The following LINGO2 variants were observed in gnomAD, a reference collection of about 807,000 sequenced individuals.
LINGO2 encodes the protein leucine rich repeat and Ig domain containing 2, also known as leucine-rich repeat and immunoglobulin-like domain-containing nogo receptor-interacting protein 2.
In LINGO2, 14 loss-of-function variants were observed where a neutral mutation model predicts 30.6. That is an observed-to-expected ratio of 0.46 (90% CI 0.30 to 0.72). The LOEUF (loss-of-function observed/expected upper bound fraction) is 0.72. Among genes scored for constraint, LINGO2 ranks in the 30% least tolerant of loss-of-function variants. The probability of loss-of-function intolerance (pLI) is 0.07; values close to 1 mark genes in which losing one functional copy is unlikely to be tolerated. For missense variants in LINGO2, 729 were observed against 751.7 expected, an observed-to-expected ratio of 0.97 and a Z score of 0.35; for synonymous variants, 317 against 288.5, an observed-to-expected ratio of 1.10 and a Z score of -1.00.
intron 4 of LINGO2, among the ~76,000 whole-genome samples, chr9:28,138,917 A>G (rs1032810497): frequency 7.2e-5 from 11 of 152,202 alleles, no homozygotes; most frequent in Non-Finnish European, 1.5e-4. Flanking sequence ...ATATGTAAGG[A>G]CTGTTATTTG....
At chr9:29,129,013 C>A in the LINGO2 span, among the ~76,000 whole-genome samples, 1 of 152,034 alleles carries the variant, frequency 6.6e-6, no homozygotes, top group Admixed American at 6.6e-5. Context: ...ATATTTTTGT[C>A]TAGGTTTAAT....
chr9:28,774,041 T>TACACACACACAC, the LINGO2 span, among the ~76,000 whole-genome samples: 1 of 146,786 alleles, frequency 6.8e-6, no homozygotes, highest in South Asian at 2.3e-4. Flanking sequence ...TTCTTTTTGA[T>TACACACACACAC]ACACACACAC....
chr9:28,358,847 A>T (rs1237955972), intron 3 of LINGO2, among the ~76,000 whole-genome samples: 2 of 152,106 alleles, frequency 1.3e-5, no homozygotes, highest in African/African-American at 4.8e-5. Flanking sequence ...AGGCTAGAAA[A>T]TCTTTTTATT....
the LINGO2 span, among the ~76,000 whole-genome samples, chr9:28,827,673 A>T: frequency 6.6e-5 from 10 of 152,172 alleles, no homozygotes; most frequent in African/African-American, 2.4e-4. Flanking sequence ...CATATTTGGA[A>T]TTCTAGATGA....
At chr9:29,069,345 G>T in the LINGO2 span, among the ~76,000 whole-genome samples, 1 of 151,820 alleles carries the variant, frequency 6.6e-6, no homozygotes, top group East Asian at 1.9e-4. Flanking sequence ...TACTCAAAAT[G>T]GATATCAATT....
intron 1 of LINGO2, among the ~76,000 whole-genome samples, chr9:28,513,069 C>G (rs184993740): frequency 6.7e-6 from 1 of 148,668 alleles, no homozygotes. Context: ...AGTTGATGCT[C>G]AGTATTAACC....
At chr9:28,327,759 T>C (rs1487443924) in intron 3 of LINGO2, among the ~76,000 whole-genome samples, 8 of 152,208 alleles carry the variant, frequency 5.3e-5, no homozygotes, top group Admixed American at 5.2e-4. Flanking sequence ...TAAAATATAC[T>C]GGCAGCTGTT....
chr9:28,226,665 AAGAAAGAAAGAAAG>A (rs1394246620), intron 4 of LINGO2, among the ~76,000 whole-genome samples: 1 of 93,190 alleles, frequency 1.1e-5, no homozygotes, highest in East Asian at 2.6e-4. Context: ...GAAAGAAAGA[AAGAAAGAAAGAAAG>A]AAAGAAAGAA....
the LINGO2 span, among the ~76,000 whole-genome samples, chr9:28,949,685 A>C: frequency 6.6e-6 from 1 of 152,136 alleles, no homozygotes; most frequent in African/African-American, 2.4e-5. Context: ...AGAGGTACAA[A>C]GCGGAGCTGG....
chr9:28,824,941 T>C, the LINGO2 span, among the ~76,000 whole-genome samples: 1 of 152,122 alleles, frequency 6.6e-6, no homozygotes, highest in Non-Finnish European at 1.5e-5. Flanking sequence ...GAAAATAAAA[T>C]CTTCTTAATG....
At chr9:29,040,442 G>T in the LINGO2 span, among the ~76,000 whole-genome samples, 1 of 151,628 alleles carries the variant, frequency 6.6e-6, no homozygotes, top group Non-Finnish European at 1.5e-5. Context: ...CCAGAAAATT[G>T]ATTTACAGCA....
intron 1 of LINGO2, among the ~76,000 whole-genome samples, chr9:28,643,838 G>GAA (rs1011657493): frequency 6.6e-6 from 1 of 151,768 alleles, no homozygotes; most frequent in Non-Finnish European, 1.5e-5. Flanking sequence ...CAACTCTATA[G>GAA]AAAAAAACAT....
chr9:28,930,816 A>T, the LINGO2 span, among the ~76,000 whole-genome samples: 3 of 152,204 alleles, frequency 2.0e-5, no homozygotes, highest in Non-Finnish European at 4.4e-5. This position sits in a 1 kb window ranked among gnomAD's most constrained non-coding sequence, Gnocchi z 4.2. Context: ...CCATTAGCCC[A>T]GTTCCCTTTT....
At chr9:28,653,319 C>CA (rs1213698412) in intron 1 of LINGO2, among the ~76,000 whole-genome samples, 3 of 151,692 alleles carry the variant, frequency 2.0e-5, no homozygotes, top group East Asian at 1.9e-4. Context: ...GTCACCTTGG[C>CA]AAAAAAAGAC....
At chr9:28,560,861 G>A (rs1378471577) in intron 1 of LINGO2, among the ~76,000 whole-genome samples, 1 of 151,848 alleles carries the variant, frequency 6.6e-6, no homozygotes, top group Non-Finnish European at 1.5e-5. Flanking sequence ...TTTTGGTAGA[G>A]ATGGGGTTTC....
chr9:28,932,697 C>G, the LINGO2 span, among the ~76,000 whole-genome samples: 1 of 152,042 alleles, frequency 6.6e-6, no homozygotes, highest in African/African-American at 2.4e-5. Context: ...AATTTAAGAA[C>G]CTGGACTCAT....
chr9:28,944,331 A>G, the LINGO2 span, among the ~76,000 whole-genome samples: 1 of 149,328 alleles, frequency 6.7e-6, no homozygotes, highest in African/African-American at 2.5e-5. Context: ...CCTAGATACA[A>G]AGGGGGCTGG....
At chr9:28,951,329 A>C in the LINGO2 span, among the ~76,000 whole-genome samples, 22 of 139,290 alleles carry the variant, frequency 1.6e-4, no homozygotes, top group East Asian at 2.4e-4. Context: ...GGGACTCTGC[A>C]CACCACTTTC....
chr9:28,252,978 T>C (rs1822257497), intron 4 of LINGO2, among the ~76,000 whole-genome samples: 1 of 151,894 alleles, frequency 6.6e-6, no homozygotes, highest in African/African-American at 2.4e-5. Flanking sequence ...TTGGAGAATA[T>C]AATAAAGGTT....
Sources: allele counts gnomAD v4.1 joint callset (sites outside exome capture counted in the v4.1 genomes callset), GRCh38; gene constraint gnomAD v4.1.1; non-coding constraint Gnocchi (gnomAD v3.1); transcripts MANE v1.5; gene names NCBI Gene and HGNC (gene_info 2026-07-23, HGNC 2026-07-21).